VWC2L: variants seen among roughly 807,000 people sequenced by gnomAD.
VWC2L encodes the protein von Willebrand factor C domain containing 2 like.
A neutral mutation model predicts 21.6 loss-of-function variants in VWC2L; 10 were observed. The ratio of observed to expected loss-of-function variants is 0.46; its 90% CI spans 0.29 to 0.78. VWC2L has a LOEUF of 0.78. VWC2L is among the 30% of genes least tolerant of loss of function. The pLI is 0.10. For synonymous variants in VWC2L, 96 were observed against 94.3 expected, an observed-to-expected ratio of 1.02 and a Z score of -0.10; for missense variants, 209 against 277.1, an observed-to-expected ratio of 0.75 and a Z score of 1.74.
chr2:214,461,671 C>T (rs552824217), intron 3 of VWC2L, among the ~76,000 whole-genome samples: 52 of 152,210 alleles, frequency 3.4e-4, no homozygotes, highest in Non-Finnish European at 4.7e-4. Flanking sequence ...GCCGGCAGTG[C>T]CAGGCTGGTA....
At chr2:214,501,155 C>T (rs1196686867) in intron 3 of VWC2L, among the ~76,000 whole-genome samples, 2 of 152,166 alleles carry the variant, frequency 1.3e-5, no homozygotes, top group Admixed American at 6.5e-5. Flanking sequence ...ACTGGTGATG[C>T]TGTACTTTTT....
chr2:214,503,697 A>C (rs1688927032), intron 3 of VWC2L, among the ~76,000 whole-genome samples: 1 of 151,448 alleles, frequency 6.6e-6, no homozygotes, highest in Non-Finnish European at 1.5e-5. Context: ...GTACACAATC[A>C]GAATAAAACT....
At chr2:214,477,504 C>T (rs1688541892) in intron 3 of VWC2L, among the ~76,000 whole-genome samples, 1 of 152,170 alleles carries the variant, frequency 6.6e-6, no homozygotes, top group African/African-American at 2.4e-5. Flanking sequence ...GGAAAAAGTC[C>T]AGTCCTGCCT....
At chr2:214,519,751 C>T (rs1486593987) in intron 3 of VWC2L, among the ~76,000 whole-genome samples, 1 of 152,126 alleles carries the variant, frequency 6.6e-6, no homozygotes, top group Non-Finnish European at 1.5e-5. Flanking sequence ...CCATAGCTTG[C>T]TCTGAAGGTG....
intron 3 of VWC2L, among the ~76,000 whole-genome samples, chr2:214,470,706 C>T (rs893884924): frequency 1.3e-5 from 2 of 151,502 alleles, no homozygotes; most frequent in African/African-American, 4.9e-5. Context: ...GCCAGGAGTC[C>T]GAGACCTGCC....
At chr2:214,446,305 T>C (rs1293853085) in intron 3 of VWC2L, among the ~76,000 whole-genome samples, 1 of 152,176 alleles carries the variant, frequency 6.6e-6, no homozygotes, top group Non-Finnish European at 1.5e-5. Context: ...GTCAGAATTA[T>C]CATATTCTTA....
intron 2 of VWC2L, among the ~76,000 whole-genome samples, chr2:214,427,096 T>TA (rs1019228535): frequency 6.6e-6 from 1 of 152,190 alleles, no homozygotes; most frequent in Non-Finnish European, 1.5e-5. Flanking sequence ...TACAAATTTT[T>TA]AAAAAAGAAA....
intron 3 of VWC2L, among the ~76,000 whole-genome samples, chr2:214,556,840 C>T (rs1233105918): frequency 6.6e-6 from 1 of 152,170 alleles, no homozygotes; most frequent in Non-Finnish European, 1.5e-5. Flanking sequence ...TAATATCTTC[C>T]ACTCCTTTGC....
At chr2:214,414,092 CT>C in intron 1 of VWC2L, 21 bp from the exon 2 acceptor site, 4 of 1,283,396 alleles carry the variant, frequency 3.1e-6, no homozygotes, top group Non-Finnish European at 4.2e-6. Context: ...TCAAATTATT[CT>C]TTTTAAATAT....
intron 3 of VWC2L, among the ~76,000 whole-genome samples, chr2:214,565,401 C>G (rs1396778245): frequency 1.3e-5 from 2 of 152,114 alleles, no homozygotes; most frequent in East Asian, 3.8e-4. Flanking sequence ...GCAATCACAG[C>G]AAACCATTTT....
chr2:214,438,668 A>G (rs1046180884), intron 3 of VWC2L, among the ~76,000 whole-genome samples: 9 of 152,040 alleles, frequency 5.9e-5, no homozygotes, highest in Non-Finnish European at 1.2e-4. Context: ...TGTCTATGTC[A>G]TATGTTAAAT....
intron 3 of VWC2L, among the ~76,000 whole-genome samples, chr2:214,566,747 T>C (rs1406245283): frequency 1.3e-5 from 2 of 152,168 alleles, no homozygotes; most frequent in African/African-American, 4.8e-5. Context: ...AGCATGATAC[T>C]AGAAGGTTTA....
At chr2:214,419,239 A>T (rs1702398855) in intron 2 of VWC2L, among the ~76,000 whole-genome samples, 1 of 152,126 alleles carries the variant, frequency 6.6e-6, no homozygotes, top group African/African-American at 2.4e-5. Context: ...AGGTTCTCTC[A>T]TCTTTCTTTT....
intron 3 of VWC2L, among the ~76,000 whole-genome samples, chr2:214,548,887 A>T (rs1667812236): frequency 6.6e-6 from 1 of 152,144 alleles, no homozygotes; most frequent in Admixed American, 6.5e-5. Flanking sequence ...GGTAGTTTTT[A>T]CCTTCTTATT....
intron 3 of VWC2L, among the ~76,000 whole-genome samples, chr2:214,515,382 C>T (rs1376969523): frequency 6.6e-6 from 1 of 152,054 alleles, no homozygotes; most frequent in East Asian, 1.9e-4. Flanking sequence ...AGCTCTCCTC[C>T]ACCCCTGTGG....
In VWC2L at chr2:214,578,868, C is replaced by A. The variant is rs1231103374; in HGVS notation, c.*3048C>A. The stretch of plus-strand genomic sequence containing the variant: ...GAAAACTAGTGAGAAAAAAAAAAAA[C>A]CTAAACACTAAACTGTAAAAAGGGG... On this transcript the variant is annotated 3_prime_UTR_variant, in exon 4 of 4. Transcript: ENST00000312504. 2 of 150,556 alleles carry A rather than the reference C, an allele frequency of 1.3e-5. No individual in the cohort carries two copies. The highest frequency in any genetic ancestry group is 3.0e-5 in the Non-Finnish European group (2 of 67,640). The allele number at this position is 150,556 out of a possible 1,614,324, so 9.3% of individuals were successfully genotyped here. A position where few individuals can be genotyped will look rare whatever the true frequency, so the allele number is the denominator to read the frequency against.
intron 3 of VWC2L, among the ~76,000 whole-genome samples, chr2:214,531,175 G>A (rs1036285820): frequency 5.9e-5 from 9 of 152,158 alleles, no homozygotes; most frequent in African/African-American, 1.7e-4. Flanking sequence ...CAAATTTTGA[G>A]TTGAGTTGGG....
intron 3 of VWC2L, among the ~76,000 whole-genome samples, chr2:214,569,981 G>A (rs200093387): frequency 1.3e-5 from 2 of 150,772 alleles, no homozygotes; most frequent in African/African-American, 4.9e-5. Flanking sequence ...GGCTTACCAG[G>A]AAAAAAAAAC....
intron 2 of VWC2L, among the ~76,000 whole-genome samples, chr2:214,424,237 T>G (rs946243685): frequency 6.6e-6 from 1 of 152,190 alleles, no homozygotes; most frequent in Middle Eastern, 3.2e-3. Context: ...AATGCTAGCA[T>G]CCTGTGTGAT....
Sources: allele counts gnomAD v4.1 joint callset (sites outside exome capture counted in the v4.1 genomes callset), GRCh38; gene constraint gnomAD v4.1.1; transcripts MANE v1.5; gene names NCBI Gene and HGNC (gene_info 2026-07-23, HGNC 2026-07-21).